The following LYRM4 variants were observed in gnomAD, a reference collection of about 807,000 sequenced individuals.
The protein encoded by LYRM4 is LYR motif-containing protein 4.
LYRM4 carries 9 observed loss-of-function variants against 11.7 expected under a neutral mutation model. That is an observed-to-expected ratio of 0.77 (90% confidence interval 0.46 to 1.34). The LOEUF (loss-of-function observed/expected upper bound fraction) is 1.34, where lower values mean the gene tolerates loss of function less well. Ranked by LOEUF, LYRM4 falls within the 40% of genes most tolerant of loss-of-function variation. LYRM4 has a pLI of 0.00. For synonymous variants in LYRM4, 42 were observed against 40.4 expected (o/e 1.04, Z -0.15); for missense variants, 133 against 112.5 (o/e 1.18, Z -0.82).
chr6:5,231,827 A>G (rs1763259863), intron 1 of LYRM4, among the ~76,000 whole-genome samples: 1 of 152,250 alleles, frequency 6.6e-6, no homozygotes, highest in South Asian at 2.1e-4. Context: ...TATTTATAAT[A>G]CAAATAACTT....
At chr6:5,228,503 C>T (rs1020496380) in intron 1 of LYRM4, among the ~76,000 whole-genome samples, 1 of 152,012 alleles carries the variant, frequency 6.6e-6, no homozygotes, top group Non-Finnish European at 1.5e-5. Context: ...GTATTGAACT[C>T]CTGACCTCAG....
chr6:5,033,734 C>A, the LYRM4 span: 1 of 152,356 alleles, frequency 6.6e-6, no homozygotes, highest in African/African-American at 2.4e-5. Flanking sequence ...CAAGAGCCAG[C>A]CTGTCACTTG....
intron 1 of LYRM4, among the ~76,000 whole-genome samples, chr6:5,227,189 C>G (rs553663898): frequency 6.6e-6 from 1 of 152,096 alleles, no homozygotes; most frequent in Non-Finnish European, 1.5e-5. Flanking sequence ...TTCAGACTGT[C>G]GATAAACCTG....
chr6:5,085,305 C>T, the LYRM4 span: 1 of 540,898 alleles, frequency 1.8e-6, no homozygotes, highest in South Asian at 2.6e-5. Flanking sequence ...CCCTGGGCAG[C>T]CGCAGCTAAA....
intron 2 of LYRM4, among the ~76,000 whole-genome samples, chr6:5,123,416 A>C (rs1763553298): frequency 6.6e-6 from 1 of 152,200 alleles, no homozygotes; most frequent in Admixed American, 6.5e-5. Flanking sequence ...TCACCCCCGA[A>C]GACACTGCTC....
intron 2 of LYRM4, among the ~76,000 whole-genome samples, chr6:5,188,022 G>A (rs929463169): frequency 1.3e-5 from 2 of 152,154 alleles, no homozygotes; most frequent in African/African-American, 4.8e-5. Context: ...CTTTCCTGTT[G>A]CCTTTGAAGT....
intron 2 of LYRM4, among the ~76,000 whole-genome samples, chr6:5,130,257 G>GCTGGGATT (rs956763045): frequency 5.9e-5 from 9 of 152,192 alleles, no homozygotes; most frequent in African/African-American, 2.2e-4. Flanking sequence ...GGAGGCCAAC[G>GCTGGGATT]CTGGGATTCT....
chr6:5,220,321 C>G (rs916171178), intron 1 of LYRM4, among the ~76,000 whole-genome samples: 5 of 152,154 alleles, frequency 3.3e-5, no homozygotes, highest in African/African-American at 1.2e-4. Flanking sequence ...CTTTAGCATC[C>G]AATGTGTGAT....
chr6:5,124,302 C>T (rs1170848387), intron 2 of LYRM4, among the ~76,000 whole-genome samples: 3 of 152,198 alleles, frequency 2.0e-5, no homozygotes, highest in Non-Finnish European at 2.9e-5. Context: ...CTGCTGCCCC[C>T]GCTGCTCTGT....
At chr6:5,192,569 A>C (rs1349097997) in intron 2 of LYRM4, among the ~76,000 whole-genome samples, 1 of 152,178 alleles carries the variant, frequency 6.6e-6, no homozygotes, top group Non-Finnish European at 1.5e-5. Flanking sequence ...CACTGTGCTC[A>C]TTAGCACAGG....
the LYRM4 span, among the ~76,000 whole-genome samples, chr6:5,068,082 G>C: frequency 8.3e-4 from 127 of 152,238 alleles, no homozygotes; most frequent in African/African-American, 2.9e-3. The surrounding 1 kb of genome is among the most constrained non-coding windows in gnomAD (Gnocchi z 4.0). Context: ...CTTTAAAAAG[G>C]CAACCTTCTT....
At chr6:5,197,105 TC>T (rs1761098370) in intron 2 of LYRM4, among the ~76,000 whole-genome samples, 1 of 152,154 alleles carries the variant, frequency 6.6e-6, no homozygotes, top group African/African-American at 2.4e-5. Context: ...AAAGGGTGCT[TC>T]CACATTCAAG....
downstream of LYRM4, among the ~76,000 whole-genome samples, chr6:5,099,391 C>CTCTATCTATCTATCTATCTATCTATCTA (rs58771475): frequency 6.9e-6 from 1 of 145,442 alleles, no homozygotes; most frequent in East Asian, 2.1e-4. The surrounding 1 kb of genome is among the most constrained non-coding windows in gnomAD (Gnocchi z 4.3). Flanking sequence ...AAATCTATTT[C>CTCTATCTATCTATCTATCTATCTATCTA]TCTATCTATC....
chr6:5,176,740 G>A (rs1426789734), intron 2 of LYRM4, among the ~76,000 whole-genome samples: 3 of 152,226 alleles, frequency 2.0e-5, no homozygotes, highest in Non-Finnish European at 4.4e-5. Flanking sequence ...TGAACACAAG[G>A]ATAATGACAG....
At chr6:5,161,725 G>A (rs1205821457) in intron 2 of LYRM4, among the ~76,000 whole-genome samples, 1 of 152,178 alleles carries the variant, frequency 6.6e-6, no homozygotes, top group African/African-American at 2.4e-5. Flanking sequence ...GGCTGTTGGA[G>A]CCCTGTGCTT....
the LYRM4 span, among the ~76,000 whole-genome samples, chr6:5,095,173 C>G: frequency 1.3e-5 from 2 of 152,076 alleles, no homozygotes; most frequent in African/African-American, 4.8e-5. Flanking sequence ...TTGGTGCTCA[C>G]AATCGGGGAG....
In LYRM4 at chr6:5,179,065, CAAAAAAAAAAA is replaced by C. The variant is rs58749743; in HGVS notation, c.207+37542_207+37552del. On this transcript the variant is annotated intron_variant, in intron 2 of 2. Transcript: ENST00000330636. Reference sequence around the variant, plus strand: ...GCCAAAAACAAACAAACCAAAAAAACAAAAAAAAAAAAAAAAAAAAAAAAGAAAGAAAAGAG... The same window carrying C: ...GCCAAAAACAAACAAACCAAAAAAACAAAAAAAAAAAAAGAAAGAAAAGAG... Among the ~76,000 whole-genome samples the C allele has an allele frequency of 7.1e-3, 736 of 103,930 alleles. 4 individuals carry two copies. The highest frequency in any genetic ancestry group is 0.015 in the East Asian group (60 of 4,070). 68.2% of individuals were successfully genotyped at this position (103,930 alleles called of 152,430 possible).
chr6:5,229,084 G>T (rs1158495003), intron 1 of LYRM4, among the ~76,000 whole-genome samples: 1 of 151,588 alleles, frequency 6.6e-6, no homozygotes, highest in African/African-American at 2.4e-5. Flanking sequence ...AGAAAATAGG[G>T]AACAAGGTTT....
chr6:5,250,646 A>T (rs1349992424), intron 1 of LYRM4, among the ~76,000 whole-genome samples: 1 of 152,236 alleles, frequency 6.6e-6, no homozygotes, highest in African/African-American at 2.4e-5. Flanking sequence ...ATTGTTGAAG[A>T]GGTCAGGTAA....
Sources: gnomAD v4.1 joint callset for allele counts (sites outside exome capture counted in the v4.1 genomes callset) on GRCh38, gnomAD v4.1.1 for gene constraint, Gnocchi (gnomAD v3.1) non-coding constraint, MANE v1.5 for transcripts, NCBI Gene and HGNC (gene_info 2026-07-23, HGNC 2026-07-21) for gene names.